The following MTSS2 variants were observed in gnomAD, a reference collection of about 807,000 sequenced individuals.
The protein encoded by MTSS2 is protein MTSS 2.
MTSS2 carries 27 observed loss-of-function variants against 67.1 expected under a neutral mutation model. The ratio of observed to expected loss-of-function variants is 0.40; its 90% confidence interval spans 0.30 to 0.55. The LOEUF (loss-of-function observed/expected upper bound fraction) is 0.55. Among genes scored for constraint, MTSS2 ranks in the 20% least tolerant of loss-of-function variants. The probability of loss-of-function intolerance (pLI) is 0.43; values close to 1 mark genes in which losing one functional copy is unlikely to be tolerated. For missense variants in MTSS2, 1,171 were observed against 1,067.8 expected, an observed-to-expected ratio of 1.10 and a Z score of -1.35; for synonymous variants, 624 against 468.6, an observed-to-expected ratio of 1.33 and a Z score of -4.28.
At chr16:70,672,146 G>A (rs550223045) in intron 11 of MTSS2, among the ~76,000 whole-genome samples, 2 of 151,984 alleles carry the variant, frequency 1.3e-5, no homozygotes, top group Non-Finnish European at 2.9e-5. Context: ...TCAGGAATTC[G>A]AGACCAGCCT....
At chr16:70,665,202 G>A (rs748050575) in intron 12 of MTSS2, 106 bp from the exon 13 acceptor site, 1 of 1,331,610 alleles carries the variant, frequency 7.5e-7, no homozygotes, top group East Asian at 2.4e-5. Flanking sequence ...CTATCAGGGG[G>A]TCTCTGGTTC....
chr16:70,680,034 G>C lies in MTSS2; in HGVS notation c.227C>G (p.Ser76Trp). 6.5e-7 allele frequency: 1 copy of C among 1,536,904 alleles called. No homozygotes were observed. Among genetic ancestry groups the C allele is most frequent in the African/African-American group, 1.4e-5 (1 of 70,874 alleles). Residue 76 changes from serine (S) to tryptophan (W), a missense_variant, in exon 4 of 15, where the codon TCG becomes TGG. Ser to Trp is a radical substitution (Grantham distance 177). Transcript: ENST00000338779. Reference protein sequence around the residue: ...NTRGATRDIGSALTRMCMRHR... With the variant: ...NTRGATRDIGWALTRMCMRHR... Reference sequence around the variant, plus strand: ...GCGCATGCACATGCGTGTGAGCGCCGAGCCGATGTCCCTCGTGGCCCCTGG... The same window carrying C: ...GCGCATGCACATGCGTGTGAGCGCCCAGCCGATGTCCCTCGTGGCCCCTGG...
chr16:70,664,720 A>C lies in MTSS2; in HGVS notation c.1349T>G (p.Val450Gly). ...CTCCAGGCTCAGGCCCCGCGTCAGC[A>C]CCATGGCCAGGTCACTGGCGGCGGG... ...VSPAASDLAM[V>G]LTRGLSLEHQ... The change falls in exon 14 of 15, where the codon GTG (valine) becomes GGG (glycine). Residue 450 changes from valine (V) to glycine (G), a missense_variant. Coordinates refer to ENST00000338779, the MANE Select transcript of MTSS2 (RefSeq NM_138383.3). 2 of 1,613,116 alleles carry C rather than the reference A, an allele frequency of 1.2e-6. No homozygotes were observed. Among genetic ancestry groups the C allele is most frequent in the Non-Finnish European group, 1.7e-6 (2 of 1,179,802 alleles).
rs906657441 is a variant in MTSS2 at position 70,663,359 on chromosome 16, T to C, written c.*318A>G. ...GGAGGCCAGCCTGGCCCCTCTGTCA[T>C]GGGCAGCGGCCCTGGCTCTGGTGCT... On this transcript the variant is annotated 3_prime_UTR_variant, in exon 15 of 15. Coordinates refer to ENST00000338779, the MANE Select transcript of MTSS2 (RefSeq NM_138383.3). The C allele has an allele frequency of 1.6e-5, 6 of 377,456 alleles. No individual in the cohort carries two copies. The highest frequency in any genetic ancestry group is 2.8e-5 in the Non-Finnish European group (6 of 210,896). The allele number at this position is 377,456 out of a possible 1,614,324, so 23.4% of individuals were successfully genotyped here.
In MTSS2 at chr16:70,665,462, T is replaced by C; in HGVS notation, c.1128+4A>G. Reference sequence around the variant, plus strand: ...TGTCCTGGGGCCGGGCTGGGAGCACTGACCGAGGTGGGGGAGCTGCACTCG... The same window carrying C: ...TGTCCTGGGGCCGGGCTGGGAGCACCGACCGAGGTGGGGGAGCTGCACTCG... On this transcript the variant is annotated splice_donor_region_variant and intron_variant, in intron 12 of 14. Transcript: ENST00000338779. 1 of 1,553,500 alleles carries C rather than the reference T, an allele frequency of 6.4e-7. No homozygotes were observed. The highest frequency in any genetic ancestry group is 8.7e-7 in the Non-Finnish European group (1 of 1,149,908).
In MTSS2 at chr16:70,680,699, G is replaced by C; in HGVS notation, c.205+95C>G. ...CAGAACTCAAGGTTCTGGGCTTGGC[G>C]TCCCGTCCTTTCCCTGGCCCATCCC... On this transcript the variant is annotated intron_variant, in intron 3 of 14. Transcript: ENST00000338779. 6 of 1,130,798 alleles carry C rather than the reference G, an allele frequency of 5.3e-6. No homozygotes were observed. The South Asian group carries it at 5.7e-5, about 11-fold the overall frequency. The allele number at this position is 1,130,798 out of a possible 1,614,324, so 70.0% of individuals were successfully genotyped here. A position where few individuals can be genotyped will look rare whatever the true frequency, so the allele number is the denominator to read the frequency against.
At position 70,666,742 on chromosome 16, in the gene MTSS2, AAG is replaced by A. The variant is rs535792589; in HGVS notation, c.1054-1204_1054-1203del. On this transcript the variant is annotated intron_variant, in intron 11 of 14. Transcript: ENST00000338779. ...TTAAAGTAAAAAAACTCAATGGAAA[AAG>A]TATTTGGAAAACTCAGTGAAAAAGT... Among the ~76,000 whole-genome samples, 619 of 152,352 alleles carry A rather than the reference AAG, an allele frequency of 4.1e-3. 4 individuals carry two copies. Among genetic ancestry groups the A allele is most frequent in the Admixed American group, 7.6e-3 (116 of 15,304 alleles).
In MTSS2 at chr16:70,680,095, G is replaced by A; in HGVS notation, c.206-40C>T. The stretch of plus-strand genomic sequence containing the variant: ...GCGGGGTGGGAAGGGGCCCGCTGGG[G>A]CCTGCGCAGTCCCGGCCTCGGGCCA... On this transcript the variant is annotated intron_variant, in intron 3 of 14. Transcript: ENST00000338779. The A allele has an allele frequency of 6.5e-6, 9 of 1,389,360 alleles. 1 individual carries two copies. The South Asian group carries it at 1.2e-4, about 18-fold the overall frequency. 86.1% of individuals were successfully genotyped at this position (1,389,360 alleles called of 1,614,324 possible). A position where few individuals can be genotyped will look rare whatever the true frequency, so the allele number is the denominator to read the frequency against.
Position 70,674,407 on chromosome 16 carries a change from CG to C in MTSS2, c.951del (p.Ala318LeufsTer134). 1 of 1,614,104 alleles carries C rather than the reference CG, an allele frequency of 6.2e-7. No homozygotes were observed. Among genetic ancestry groups the C allele is most frequent in the Non-Finnish European group, 8.5e-7 (1 of 1,180,014 alleles). On this transcript the variant is annotated frameshift_variant, in exon 11 of 15. Coordinates refer to ENST00000338779, the MANE Select transcript of MTSS2 (RefSeq NM_138383.3). LOFTEE classifies it high-confidence loss of function. ...TGGGAGGAAACGCTGGAGAGGCGAG[CG>C]GTGGTGGTGGCTGGCTGCGCCAGGC... ...YRSLAQPATT[T>X]ARLSSVSSHD...
In MTSS2 at chr16:70,679,921, C is replaced by G. The variant is rs769295500; in HGVS notation, c.291-44G>C. On this transcript the variant is annotated intron_variant, in intron 4 of 14. Transcript: ENST00000338779. ...AGCGCAGGTCAGGGCCGGGCTCCCC[C>G]GCGACGCCCCGTCCCCCCGCCCCCC... 12 of 1,523,712 alleles carry G rather than the reference C, an allele frequency of 7.9e-6. No homozygotes were observed. The East Asian group carries it at 1.5e-4, about 19-fold the overall frequency. 94.4% of individuals were successfully genotyped at this position (1,523,712 alleles called of 1,614,324 possible). A position where few individuals can be genotyped will look rare whatever the true frequency, so the allele number is the denominator to read the frequency against.
At chr16:70,674,040 G>A (rs901031107) in intron 11 of MTSS2, among the ~76,000 whole-genome samples, 1 of 152,114 alleles carries the variant, frequency 6.6e-6, no homozygotes, top group East Asian at 1.9e-4. Flanking sequence ...AAAGATAGAG[G>A]TTGTCAGATT....
chr16:70,679,912 G>T, intron 4 of MTSS2, 35 bp from the exon 5 acceptor site: 1 of 1,549,876 alleles, frequency 6.5e-7, no homozygotes, highest in South Asian at 1.2e-5. Context: ...GGTCAGGGCC[G>T]GGCTCCCCCG....
At chr16:70,665,312 A>T (rs1350652064) in intron 12 of MTSS2, 154 bp downstream of exon 12, 1 of 962,566 alleles carries the variant, frequency 1.0e-6, no homozygotes, top group Admixed American at 2.7e-5. Context: ...GACTGTAGGA[A>T]ATGGCCAGGT....
chr16:70,681,414 G>A (rs553153718), intron 1 of MTSS2, among the ~76,000 whole-genome samples: 1 of 152,356 alleles, frequency 6.6e-6, no homozygotes, highest in East Asian at 1.9e-4. Flanking sequence ...CGTGTCTCCC[G>A]GACATGTGCC....
rs780881340 is a variant in MTSS2, at chr16:70,664,261, G to A, written c.1660C>T (p.Pro554Ser). Residue 554 changes from proline to serine, a missense_variant, in exon 15 of 15, where the codon CCC becomes TCC. Pro to Ser is a moderately conservative substitution (Grantham distance 74, BLOSUM62 -1). Transcript: ENST00000338779. ...TAGLPTATGLPSGAPPGVATI... is the reference protein window; with the variant it reads ...TAGLPTATGLSSGAPPGVATI... ...GCCACGCCGGGGGGTGCGCCCGAGG[G>A]CAGGCCAGTGGCCGTGGGCAGCCCC... 31 of 1,559,776 alleles carry A rather than the reference G, an allele frequency of 2.0e-5. No homozygotes were observed. The African/African-American group carries it at 3.5e-4, about 18-fold the overall frequency.
At position 70,662,045 on chromosome 16, in the gene MTSS2, G is replaced by A. The variant is rs1404161932; in HGVS notation, c.*1632C>T. On this transcript the variant is annotated 3_prime_UTR_variant, in exon 15 of 15. Transcript: ENST00000338779. The stretch of plus-strand genomic sequence containing the variant: ...TTGAACCTAGTGACTTACTTACAGG[G>A]ACCATTCTTCATCAGCTCCCTCTGA... 1.3e-5 allele frequency: 2 copies of A among 152,406 alleles called. No individual in the cohort carries two copies. Among genetic ancestry groups the A allele is most frequent in the East Asian group, 1.9e-4 (1 of 5,170 alleles). 9.4% of individuals were successfully genotyped at this position (152,406 alleles called of 1,614,324 possible). A position where few individuals can be genotyped will look rare whatever the true frequency, so the allele number is the denominator to read the frequency against.
At chr16:70,676,728 A>AT (rs941921763) in intron 10 of MTSS2, among the ~76,000 whole-genome samples, 153 bp downstream of exon 10, 1 of 152,170 alleles carries the variant, frequency 6.6e-6, no homozygotes, top group African/African-American at 2.4e-5. Flanking sequence ...GACAGGGCAC[A>AT]TTTTCCCTCT....
intron 8 of MTSS2, 136 bp downstream of exon 8, chr16:70,678,116 C>A: frequency 3.3e-6 from 4 of 1,217,696 alleles, no homozygotes; most frequent in Non-Finnish European, 4.6e-6. Flanking sequence ...AGCTATGAGA[C>A]CTGCCTTTGG....
chr16:70,679,441 CA>C, intron 6 of MTSS2, 118 bp from the exon 7 acceptor site: 1 of 1,350,538 alleles, frequency 7.4e-7, no homozygotes, highest in Non-Finnish European at 1.0e-6. Context: ...TGCTGCCTCC[CA>C]TAGGGAGGTT....
Sources: gnomAD v4.1 joint callset for allele counts (sites outside exome capture counted in the v4.1 genomes callset) on GRCh38, gnomAD v4.1.1 for gene constraint, MANE v1.5 for transcripts, NCBI Gene and HGNC (gene_info 2026-07-23, HGNC 2026-07-21) for gene names.